The following MBNL3 variants were observed in gnomAD, a reference collection of about 807,000 sequenced individuals.
The protein encoded by MBNL3 is muscleblind-like protein 3.
Under a neutral mutation model 24.5 loss-of-function variants are expected in MBNL3, and 6 were observed. The ratio of observed to expected loss-of-function variants is 0.25; its 90% CI spans 0.13 to 0.48. The LOEUF (loss-of-function observed/expected upper bound fraction) is 0.48, where lower values mean the gene tolerates loss of function less well. MBNL3 is among the 20% of genes least tolerant of loss of function. The probability of loss-of-function intolerance (pLI) is 0.99; values close to 1 mark genes in which losing one functional copy is unlikely to be tolerated. For synonymous variants in MBNL3, 100 were observed against 101.7 expected (o/e 0.98, Z 0.10); for missense variants, 230 against 293.5 (o/e 0.78, Z 1.58).
chrX:132,398,938 G>A (rs1321338983), intron 3 of MBNL3, among the ~76,000 whole-genome samples: 1 of 111,239 alleles, frequency 9.0e-6, no homozygotes, highest in Non-Finnish European at 1.9e-5. Flanking sequence ...CAGAAATTAA[G>A]GGGACCAGAA....
chrX:132,450,303 C>G (rs182736619), intron 1 of MBNL3, among the ~76,000 whole-genome samples: 1 of 111,754 alleles, frequency 8.9e-6, no homozygotes, highest in African/African-American at 3.2e-5. Flanking sequence ...TTACACAAAT[C>G]AAACTTAGGT....
Position 132,382,205 on chromosome X carries a change from C to A in MBNL3, c.1026G>T (p.Pro342=), listed in dbSNP as rs776794590. The A allele has an allele frequency of 3.3e-6, 4 of 1,210,495 alleles. No homozygotes were observed. The highest frequency in any genetic ancestry group is 4.5e-6 in the Non-Finnish European group (4 of 894,691). ...GATTGCCTGTAGTTGGTGCAGCGAA[C>A]GGAACGCTGGTGGCAGGTGTTGTTG... ...SAATTPATSV[P]FAAPTTGNQL... The change falls in exon 8 of 9, where the codon CCG becomes CCT. Residue 342 remains proline, a synonymous_variant. Transcript: ENST00000370853.
intron 5 of MBNL3, among the ~76,000 whole-genome samples, chrX:132,387,258 C>G (rs751123181): frequency 5.4e-5 from 4 of 74,274 alleles, no homozygotes; most frequent in African/African-American, 2.2e-4. Context: ...AGTGACAGAG[C>G]AAGAGCCTGT....
chrX:132,452,081 G>A (rs966265775), intron 1 of MBNL3, among the ~76,000 whole-genome samples: 2 of 111,372 alleles, frequency 1.8e-5, no homozygotes, highest in South Asian at 3.9e-4. Flanking sequence ...AGTTGATCTC[G>A]CTGGGAGCTG....
At chrX:132,438,660 T>A (rs1021476761) in intron 2 of MBNL3, among the ~76,000 whole-genome samples, 1 of 107,893 alleles carries the variant, frequency 9.3e-6, no homozygotes, top group Non-Finnish European at 1.9e-5. Context: ...GAATAACACA[T>A]GAAAATCAGT....
chrX:132,409,284 C>A (rs1255401821), intron 2 of MBNL3, among the ~76,000 whole-genome samples: 1 of 111,507 alleles, frequency 9.0e-6, no homozygotes, highest in Non-Finnish European at 1.9e-5. Context: ...TTTTTTAATC[C>A]TTGTATAGAA....
rs777742425 is a variant in MBNL3 at position 132,415,902 on chromosome X, G to T, written c.178-9510C>A. Among the ~76,000 whole-genome samples, 4 of 111,195 alleles carry T rather than the reference G, an allele frequency of 3.6e-5. No homozygotes were observed. In the South Asian group the frequency reaches 1.1e-3, roughly 31 times the overall value. On this transcript the variant is annotated intron_variant, in intron 2 of 8. Transcript: ENST00000370853. ...CACCAAAAGTTCTATTGAAACCTTT[G>T]TGCTAACTTGTTATTAAAATTGTAG...
intron 3 of MBNL3, among the ~76,000 whole-genome samples, chrX:132,402,487 A>C (rs1941106841): frequency 8.9e-6 from 1 of 111,760 alleles, no homozygotes. Context: ...TACTCTTTCT[A>C]ATATTCTTCT....
In MBNL3 at chrX:132,392,138, A is replaced by G; in HGVS notation, c.534+5T>C. On this transcript the variant is annotated splice_donor_5th_base_variant and intron_variant, in intron 4 of 8. Coordinates refer to ENST00000370853, the MANE Select transcript of MBNL3 (RefSeq NM_001386889.1). ...ACAGGTATTTATATATATGTTCACA[A>G]ATACCTCCAGTTTATCTGAACGCAT... is the stretch of plus-strand genomic sequence containing the variant. 1 of 1,191,254 alleles carries G rather than the reference A, an allele frequency of 8.4e-7. No individual in the cohort carries two copies. The highest frequency in any genetic ancestry group is 1.9e-5 in the South Asian group (1 of 53,650).
intron 1 of MBNL3, among the ~76,000 whole-genome samples, chrX:132,485,612 C>A (rs1303881324): frequency 8.9e-6 from 1 of 112,112 alleles, no homozygotes; most frequent in Non-Finnish European, 1.9e-5. Context: ...TGTCATGGAA[C>A]CATCTGGTAT....
intron 1 of MBNL3, among the ~76,000 whole-genome samples, chrX:132,475,576 A>C (rs1267577396): frequency 8.9e-6 from 1 of 112,062 alleles, no homozygotes; most frequent in Admixed American, 9.5e-5. Context: ...TAACAAAATG[A>C]AAGTACCTAG....
rs367772013 is a variant in MBNL3, at chrX:132,392,282, T to C, written c.395A>G (p.Asn132Ser). Residue 132 changes from asparagine to serine, a missense_variant, in exon 4 of 9, where the codon AAT becomes AGT. Physicochemically the swap from Asn to Ser is conservative, Grantham distance 46. Transcript: ENST00000370853. ...CATCCCAGGATGTGGTATGTAAGGA[T>C]TGAAAGCCATGGGAGGATTAGCTGG... is the stretch of plus-strand genomic sequence containing the variant. Reference protein sequence around the residue: ...SIPANPPMAFNPYIPHPGMGL... With the variant: ...SIPANPPMAFSPYIPHPGMGL... 2.2e-5 allele frequency: 27 copies of C among 1,207,128 alleles called. No homozygotes were observed. The highest frequency in any genetic ancestry group is 2.3e-4 in the Middle Eastern group (1 of 4,368).
intron 2 of MBNL3, among the ~76,000 whole-genome samples, chrX:132,419,023 C>G (rs1943556135): frequency 8.9e-6 from 1 of 112,881 alleles, no homozygotes; most frequent in Non-Finnish European, 1.9e-5. Context: ...ATCCACCTGC[C>G]TCAGCCTCCC....
At chrX:132,447,051 A>G (rs776385647) in intron 1 of MBNL3, among the ~76,000 whole-genome samples, 33 of 111,314 alleles carry the variant, frequency 3.0e-4, no homozygotes, top group African/African-American at 9.5e-4. Flanking sequence ...CAAAGATCAG[A>G]TGTTTGTAGA....
intron 2 of MBNL3, among the ~76,000 whole-genome samples, chrX:132,407,858 G>A (rs923742147): frequency 4.5e-5 from 5 of 110,334 alleles, no homozygotes; most frequent in African/African-American, 1.3e-4. Context: ...AGTGGCACTT[G>A]GTGACTTCCA....
intron 6 of MBNL3, among the ~76,000 whole-genome samples, chrX:132,386,238 G>A (rs1221578404): frequency 8.9e-6 from 1 of 111,925 alleles, no homozygotes; most frequent in Non-Finnish European, 1.9e-5. Context: ...ACTTAGGGTA[G>A]TTTTATTTTA....
chrX:132,438,670 T>G (rs760969394), intron 2 of MBNL3, among the ~76,000 whole-genome samples: 34 of 107,219 alleles, frequency 3.2e-4, no homozygotes, highest in African/African-American at 1.1e-3. Context: ...TGAAAATCAG[T>G]GCATTTTCTT....
intron 1 of MBNL3, among the ~76,000 whole-genome samples, chrX:132,452,210 T>C (rs184207181): frequency 8.9e-6 from 1 of 112,117 alleles, no homozygotes; most frequent in East Asian, 2.8e-4. Context: ...TAAACATAGT[T>C]GTTATTAAAT....
intron 8 of MBNL3, among the ~76,000 whole-genome samples, chrX:132,381,174 T>TA (rs1168016383): frequency 4.4e-5 from 5 of 112,388 alleles, no homozygotes; most frequent in Non-Finnish European, 9.4e-5. Flanking sequence ...CATTGCCATA[T>TA]AAAAAATATT....
Sources: gnomAD v4.1 joint callset for allele counts (sites outside exome capture counted in the v4.1 genomes callset) on GRCh38, gnomAD v4.1.1 for gene constraint, MANE v1.5 for transcripts, NCBI Gene and HGNC (gene_info 2026-07-23, HGNC 2026-07-21) for gene names.